The following CHST6 variants were observed in gnomAD, a reference collection of about 807,000 sequenced individuals.
The protein encoded by CHST6 is N-acetylglucosamine 6-O-sulfotransferase 5.
For synonymous variants in CHST6, 309 were observed against 276.4 expected (o/e 1.12, Z -1.17); for missense variants, 698 against 586.2 (o/e 1.19, Z -1.97).
In CHST6 at chr16:75,476,649, T is replaced by C. The variant is rs2080069430; in HGVS notation, c.*1992A>G. On this transcript the variant is annotated 3_prime_UTR_variant, in exon 3 of 3. Transcript: ENST00000332272. ...GGACACAGCTAGAAGGCACTGTCTT[T>C]GAAAAAGTGGGCCCTCATCAGACAG... is the stretch of plus-strand genomic sequence containing the variant. 1 of 151,758 alleles carries C rather than the reference T, an allele frequency of 6.6e-6. No homozygotes were observed. Among genetic ancestry groups the C allele is most frequent in the Admixed American group, 6.6e-5 (1 of 15,236 alleles). The allele number at this position is 151,758 out of a possible 1,614,324, so 9.4% of individuals were successfully genotyped here.
rs1340724333 is a variant in CHST6 at position 75,479,733 on chromosome 16, C to T, written c.96G>A (p.Ser32=). ...CGCGCGCCTCGCCGCCTGCTGGGGA[C>T]GAGGGCCCTGGCCGGGAAACCAGAA... ...LLFLVSRPGP[S]SPAGGEARVH... is the part of the protein sequence containing the mutation. Residue 32 remains serine (S), a synonymous_variant, in exon 3 of 3, where the codon TCG becomes TCA. Transcript: ENST00000332272. 4 of 1,606,480 alleles carry T rather than the reference C, an allele frequency of 2.5e-6. No homozygotes were observed. The highest frequency in any genetic ancestry group is 1.7e-5 in the Admixed American group (1 of 58,990).
chr16:75,483,204 G>A (rs2080161554), intron 1 of CHST6, among the ~76,000 whole-genome samples: 1 of 152,224 alleles, frequency 6.6e-6, no homozygotes, highest in African/African-American at 2.4e-5. Flanking sequence ...TGGCACTTCT[G>A]ATCCCAGGCT....
chr16:75,484,629 C>T (rs2080175964), intron 1 of CHST6, among the ~76,000 whole-genome samples: 1 of 152,202 alleles, frequency 6.6e-6, no homozygotes, highest in African/African-American at 2.4e-5. Context: ...GCGGGCAGAT[C>T]ACTAGAGGTC....
Position 75,479,250 on chromosome 16 carries a change from G to C in CHST6, c.579C>G (p.Leu193=), listed in dbSNP as rs1222885340. 6.2e-7 allele frequency: 1 copy of C among 1,612,214 alleles called. No homozygotes were observed. Among genetic ancestry groups the C allele is most frequent in the Non-Finnish European group, 8.5e-7 (1 of 1,179,748 alleles). The change falls in exon 3 of 3, where the codon CTC becomes CTG. Residue 193 remains leucine (L), a synonymous_variant. Transcript: ENST00000332272. ...VLYPLLSDPA[L]NLRIVHLVRD... ...GCACCAGGTGCACGATGCGTAGGTT[G>C]AGCGCGGGGTCGCTGAGCAGCGGGT...
chr16:75,485,791 C>T (rs747857495), intron 1 of CHST6, among the ~76,000 whole-genome samples: 23 of 152,204 alleles, frequency 1.5e-4, no homozygotes, highest in Non-Finnish European at 3.1e-4. Flanking sequence ...ACACTGAAGA[C>T]ACATCTGGCT....
In CHST6 at chr16:75,472,859, G is replaced by C. The variant is rs1207404028; in HGVS notation, c.*5782C>G. On this transcript the variant is annotated 3_prime_UTR_variant, in exon 3 of 3. Transcript: ENST00000332272. ...TTCTATGCACCCATCAGCCCATCTA[G>C]TGCTTTGATTGCCCCTTCTGAGCTC... 6.6e-6 allele frequency: 1 copy of C among 152,224 alleles called. No individual in the cohort carries two copies. The highest frequency in any genetic ancestry group is 1.5e-5 in the Non-Finnish European group (1 of 68,054). The allele number at this position is 152,224 out of a possible 1,614,324, so 9.4% of individuals were successfully genotyped here.
Position 75,478,569 on chromosome 16 carries a change from C to G in CHST6, c.*72G>C. ...TGGTCAATATAGGGACCTGCTTCTC[C>G]GTGCGCCCCAGCCCCCTCTGCACCA... On this transcript the variant is annotated 3_prime_UTR_variant, in exon 3 of 3. Transcript: ENST00000332272. 21 of 1,500,190 alleles carry G rather than the reference C, an allele frequency of 1.4e-5. No homozygotes were observed. Among genetic ancestry groups the G allele is most frequent in the Non-Finnish European group, 1.9e-5 (21 of 1,077,592 alleles). 92.9% of individuals were successfully genotyped at this position (1,500,190 alleles called of 1,614,324 possible). A position where few individuals can be genotyped will look rare whatever the true frequency, so the allele number is the denominator to read the frequency against.
rs997431774 is a variant in CHST6, at chr16:75,473,724, C to T, written c.*4917G>A. 6.6e-6 allele frequency: 1 copy of T among 152,130 alleles called. No homozygotes were observed. Among genetic ancestry groups the T allele is most frequent in the Non-Finnish European group, 1.5e-5 (1 of 68,026 alleles). The allele number at this position is 152,130 out of a possible 1,614,324, so 9.4% of individuals were successfully genotyped here. Reference sequence around the variant, plus strand: ...GGATATTTACCATCCCATAGTTTACCACCTTTGGAAGCCTAAAACTGTTGT... The same window carrying T: ...GGATATTTACCATCCCATAGTTTACTACCTTTGGAAGCCTAAAACTGTTGT... On this transcript the variant is annotated 3_prime_UTR_variant, in exon 3 of 3. Coordinates refer to ENST00000332272, the MANE Select transcript of CHST6 (RefSeq NM_021615.5).
At chr16:75,488,627 A>G (rs2080225934) in intron 1 of CHST6, among the ~76,000 whole-genome samples, 1 of 152,182 alleles carries the variant, frequency 6.6e-6, no homozygotes, top group African/African-American at 2.4e-5. Context: ...GGAGCAAAAG[A>G]AAGAGGAAGA....
chr16:75,484,075 C>T (rs575480090), intron 1 of CHST6, among the ~76,000 whole-genome samples: 8 of 149,946 alleles, frequency 5.3e-5, no homozygotes, highest in East Asian at 2.0e-4. Context: ...CGGTGACTCA[C>T]GCCTGTAAAC....
intron 1 of CHST6, among the ~76,000 whole-genome samples, chr16:75,486,983 C>T (rs544338266): frequency 4.1e-4 from 62 of 152,196 alleles, no homozygotes; most frequent in African/African-American, 1.5e-3. Flanking sequence ...TGGCATACTT[C>T]AATAAAAAGT....
rs1247228819 is a variant in CHST6 at position 75,473,465 on chromosome 16, T to A, written c.*5176A>T. The A allele has an allele frequency of 1.3e-5, 2 of 152,222 alleles. No individual in the cohort carries two copies. The highest frequency in any genetic ancestry group is 2.9e-5 in the Non-Finnish European group (2 of 68,078). The allele number at this position is 152,222 out of a possible 1,614,324, so 9.4% of individuals were successfully genotyped here. On this transcript the variant is annotated 3_prime_UTR_variant, in exon 3 of 3. Coordinates refer to ENST00000332272, the MANE Select transcript of CHST6 (RefSeq NM_021615.5). The stretch of plus-strand genomic sequence containing the variant: ...CGAAGCAAAGGAGCAGCACGCAGGT[T>A]CTCTTCAGGTGGAGGAAAGCAGAGG...
chr16:75,474,505 G>T lies in CHST6; in HGVS notation c.*4136C>A, dbSNP rs1469202518. On this transcript the variant is annotated 3_prime_UTR_variant, in exon 3 of 3. Transcript: ENST00000332272. ...TGCCCAGGCTGGTCTTGAGTGCCTG[G>T]TCTCAAGTGATCCTCCTGCCTCAGC... 1.0e-5 allele frequency: 4 copies of T among 397,214 alleles called. No homozygotes were observed. The East Asian group carries it at 1.4e-4, about 14-fold the overall frequency. The allele number at this position is 397,214 out of a possible 1,614,324, so 24.6% of individuals were successfully genotyped here.
At position 75,479,818 on chromosome 16, in the gene CHST6, G is replaced by A. The variant is rs750713155; in HGVS notation, c.11C>T (p.Pro4Leu). Reference protein sequence around the residue: MWLPRVSSTAVTAL... With the variant: MWLLRVSSTAVTAL... ...GGTCACTGCTGTGCTGGAGACGCGC[G>A]GCAGCCACATGCTGACTGCTGGGGG... Residue 4 changes from proline (P) to leucine (L), a missense_variant, in exon 3 of 3, where the codon CCG becomes CTG. Pro to Leu is a moderately conservative substitution (Grantham distance 98, BLOSUM62 -3). Coordinates refer to ENST00000332272, the MANE Select transcript of CHST6 (RefSeq NM_021615.5). 6 of 1,559,368 alleles carry A rather than the reference G, an allele frequency of 3.8e-6. No homozygotes were observed. In the African/African-American group the frequency reaches 6.8e-5, roughly 18 times the overall value.
In CHST6 at chr16:75,479,786, G is replaced by A. The variant is rs771635435; in HGVS notation, c.43C>T (p.Leu15Phe). The change falls in exon 3 of 3, where the codon CTC becomes TTC. Residue 15 changes from leucine to phenylalanine, a missense_variant. Coordinates refer to ENST00000332272, the MANE Select transcript of CHST6 (RefSeq NM_021615.5). ...AGGAGGAGGAAGGTCTGCGCCAGGAGGAGCGCGGTCACTGCTGTGCTGGAG... is the reference window on the plus strand; with the variant it reads ...AGGAGGAGGAAGGTCTGCGCCAGGAAGAGCGCGGTCACTGCTGTGCTGGAG... ...RVSSTAVTAL[L>F]LAQTFLLLFL... 3.2e-6 allele frequency: 5 copies of A among 1,586,112 alleles called. No individual in the cohort carries two copies. In the African/African-American group the frequency reaches 5.4e-5, roughly 17 times the overall value.
chr16:75,479,635 T>A lies in CHST6; in HGVS notation c.194A>T (p.Asp65Val). 6.2e-7 allele frequency: 1 copy of A among 1,612,600 alleles called. No homozygotes were observed. Among genetic ancestry groups the A allele is most frequent in the Non-Finnish European group, 8.5e-7 (1 of 1,179,730 alleles). Residue 65 changes from aspartate (D) to valine (V), a missense_variant, in exon 3 of 3, where the codon GAC (aspartate) becomes GTC (valine). Asp to Val is a radical substitution (Grantham distance 152, BLOSUM62 -3). Coordinates refer to ENST00000332272, the MANE Select transcript of CHST6 (RefSeq NM_021615.5). Reference sequence around the variant, plus strand: ...CGCGGGCTCCATTAGGTAGAAGACGTCGGGGTGCTGGTTGAAGAGTTGGCC... The same window carrying A: ...CGCGGGCTCCATTAGGTAGAAGACGACGGGGTGCTGGTTGAAGAGTTGGCC... The part of the protein sequence containing the change: ...FVGQLFNQHP[D>V]VFYLMEPAWH...
chr16:75,473,148 T>C lies in CHST6; in HGVS notation c.*5493A>G, dbSNP rs759453443. 7.2e-5 allele frequency: 11 copies of C among 152,312 alleles called. No homozygotes were observed. The highest frequency in any genetic ancestry group is 1.0e-4 in the Non-Finnish European group (7 of 68,084). 9.4% of individuals were successfully genotyped at this position (152,312 alleles called of 1,614,324 possible). On this transcript the variant is annotated 3_prime_UTR_variant, in exon 3 of 3. Transcript: ENST00000332272. ...ATGACTGAAACACAATAAGCACTTT[T>C]ATTGCTCCTAAAGTCTTCGACTTGG...
chr16:75,494,700 T>C (rs1477779568), intron 1 of CHST6, among the ~76,000 whole-genome samples: 1 of 152,146 alleles, frequency 6.6e-6, no homozygotes, highest in Non-Finnish European at 1.5e-5. Flanking sequence ...CAAAAGGGGT[T>C]CTCCCCTCGC....
At chr16:75,483,697 T>C (rs1597477885) in intron 1 of CHST6, among the ~76,000 whole-genome samples, 1 of 152,194 alleles carries the variant, frequency 6.6e-6, no homozygotes, top group Admixed American at 6.5e-5. Flanking sequence ...GAGACATGAA[T>C]ATCCAGTAAG....
Sources: gnomAD v4.1 joint callset for allele counts (sites outside exome capture counted in the v4.1 genomes callset) on GRCh38, gnomAD v4.1.1 for gene constraint, MANE v1.5 for transcripts, NCBI Gene and HGNC (gene_info 2026-07-23, HGNC 2026-07-21) for gene names.